Variants in VCP observed in about 807,000 individuals in gnomAD.
VCP encodes the protein valosin containing protein, also known as transitional endoplasmic reticulum ATPase.
A neutral mutation model predicts 85.7 loss-of-function variants in VCP; 6 were observed. The ratio of observed to expected loss-of-function variants is 0.07; its 90% CI spans 0.04 to 0.14. The LOEUF is 0.14. VCP is among the 10% of genes least tolerant of loss of function. The probability of loss-of-function intolerance (pLI) is 1.00; values close to 1 mark genes in which losing one functional copy is unlikely to be tolerated. For missense variants in VCP, 353 were observed against 1,043.4 expected, an observed-to-expected ratio of 0.34 and a Z score of 9.12; for synonymous variants, 384 against 367.1, an observed-to-expected ratio of 1.05 and a Z score of -0.53.
At position 35,058,984 on chromosome 9, in the gene VCP, A is replaced by T; in HGVS notation, c.2160+80T>A. On this transcript the variant is annotated intron_variant, in intron 15 of 16. Transcript: ENST00000358901. ...TTAGATGATCTTTCCAACAGCTTCT[A>T]CTCTCAACTCCAGGGCATGGTGGTG... The T allele has an allele frequency of 5.7e-6, 9 of 1,586,072 alleles. No homozygotes were observed. In the South Asian group the frequency reaches 1.0e-4, roughly 18 times the overall value.
At chr9:35,065,644 C>T (rs1438618958) in intron 4 of VCP, among the ~76,000 whole-genome samples, 5 of 152,102 alleles carry the variant, frequency 3.3e-5, no homozygotes, top group African/African-American at 1.2e-4. Flanking sequence ...TGACTTCTGC[C>T]ATATAGGTAG....
chr9:35,071,624 C>A, intron 1 of VCP: 9 of 818,554 alleles, frequency 1.1e-5, no homozygotes, highest in Non-Finnish European at 1.3e-5. Context: ...CGAGTCATAA[C>A]ATTAAGGAAA....
chr9:35,064,577 C>T (rs138320082), intron 5 of VCP, among the ~76,000 whole-genome samples: 59 of 152,218 alleles, frequency 3.9e-4, no homozygotes, highest in Admixed American at 3.7e-3. Flanking sequence ...AGAACAACTA[C>T]AAAAATCCCA....
chr9:35,061,330 A>ATG, intron 10 of VCP, 151 bp from the exon 11 acceptor site: 1 of 1,170,496 alleles, frequency 8.5e-7, no homozygotes. Context: ...GCTGGGTTTT[A>ATG]AGTACTTAAT....
chr9:35,065,135 TG>T, intron 5 of VCP, 115 bp downstream of exon 5: 1 of 1,489,894 alleles, frequency 6.7e-7, no homozygotes, highest in Non-Finnish European at 9.2e-7. Flanking sequence ...CCCAAAGTAC[TG>T]GGATTACAGG....
Position 35,072,554 on chromosome 9 carries a change from G to GGTGGCAGTGGCAGTGGCA in VCP, c.-219_-202dup. ...AACAACGCTGGCTCCTGATCCGCGA[G>GGTGGCAGTGGCAGTGGCA]GTGGCAGTGGCAGTGGCAGCGGCAG... is the stretch of plus-strand genomic sequence containing the variant. On this transcript the variant is annotated 5_prime_UTR_variant, in exon 1 of 17. Coordinates refer to ENST00000358901, the MANE Select transcript of VCP (RefSeq NM_007126.5). The GGTGGCAGTGGCAGTGGCA allele has an allele frequency of 3.4e-6, 2 of 592,480 alleles. No individual in the cohort carries two copies. The highest frequency in any genetic ancestry group is 5.3e-6 in the Non-Finnish European group (2 of 377,702). 36.7% of individuals were successfully genotyped at this position (592,480 alleles called of 1,614,324 possible). A position where few individuals can be genotyped will look rare whatever the true frequency, so the allele number is the denominator to read the frequency against.
In VCP at chr9:35,061,704, A is replaced by G; in HGVS notation, c.1082-15T>C. On this transcript the variant is annotated splice_polypyrimidine_tract_variant and intron_variant, in intron 9 of 16. Transcript: ENST00000358901. Reference sequence around the variant, plus strand: ...GTCAAAGCGACCTGTGGGACAGTACACAAACATAAACAGGGCTCATCTCTA... The same window carrying G: ...GTCAAAGCGACCTGTGGGACAGTACGCAAACATAAACAGGGCTCATCTCTA... The G allele has an allele frequency of 6.3e-7, 1 of 1,596,974 alleles. No individual in the cohort carries two copies. The highest frequency in any genetic ancestry group is 1.1e-5 in the South Asian group (1 of 90,780).
rs1304210666 is a variant in VCP, at chr9:35,056,402, A to T, written c.*715T>A. On this transcript the variant is annotated 3_prime_UTR_variant, in exon 17 of 17. Coordinates refer to ENST00000358901, the MANE Select transcript of VCP (RefSeq NM_007126.5). ...TCCTATCCAGTGATACTGCAGACAA[A>T]GGGTGAGGCAACAGGAGACATCATA... 6.5e-6 allele frequency: 1 copy of T among 154,340 alleles called. No individual in the cohort carries two copies. The highest frequency in any genetic ancestry group is 1.9e-4 in the East Asian group (1 of 5,192). 9.6% of individuals were successfully genotyped at this position (154,340 alleles called of 1,614,324 possible). A position where few individuals can be genotyped will look rare whatever the true frequency, so the allele number is the denominator to read the frequency against.
At position 35,057,199 on chromosome 9, in the gene VCP, C is replaced by T; in HGVS notation, c.2339G>A (p.Gly780Glu). The T allele has an allele frequency of 6.2e-7, 1 of 1,614,234 alleles. No homozygotes were observed. The highest frequency in any genetic ancestry group is 8.5e-7 in the Non-Finnish European group (1 of 1,180,054). ...TCCACTGCCCTGACTGGGGCCAGCT[C>T]CACCCTGGTTCCCTGAAGGGAATCT... The part of the protein sequence containing the change: ...SFRFPSGNQG[G>E]AGPSQGSGGG... Residue 780 changes from glycine to glutamate, a missense_variant, in exon 17 of 17, where the codon GGA becomes GAA. Gly to Glu is a moderately conservative substitution (Grantham distance 98). Coordinates refer to ENST00000358901, the MANE Select transcript of VCP (RefSeq NM_007126.5).
intron 5 of VCP, 111 bp downstream of exon 5, chr9:35,065,140 T>C: frequency 1.3e-6 from 2 of 1,519,866 alleles, no homozygotes; most frequent in Non-Finnish European, 1.8e-6. Flanking sequence ...AGTACTGGGA[T>C]TACAGGTGTC....
chr9:35,071,681 A>G, intron 1 of VCP: 3 of 982,638 alleles, frequency 3.1e-6, no homozygotes, highest in Non-Finnish European at 3.6e-6. Flanking sequence ...AAGTAAGAAG[A>G]CCAGAAGCGA....
At chr9:35,066,928 G>C in intron 3 of VCP, 111 bp from the exon 4 acceptor site, 1 of 1,551,374 alleles carries the variant, frequency 6.4e-7, no homozygotes. Flanking sequence ...AGAAAAGGCA[G>C]GATGGCTTTA....
intron 1 of VCP, 80 bp from the exon 2 acceptor site, chr9:35,068,442 A>T: frequency 8.0e-7 from 1 of 1,248,204 alleles, no homozygotes; most frequent in South Asian, 1.2e-5. Flanking sequence ...TTAGGAAAGA[A>T]ACAGTGAATA....
At chr9:35,063,409 A>C (rs1294869847) in intron 6 of VCP, among the ~76,000 whole-genome samples, 1 of 152,220 alleles carries the variant, frequency 6.6e-6, no homozygotes, top group Non-Finnish European at 1.5e-5. Context: ...AATTTTAGAC[A>C]GACCAAGGGC....
chr9:35,062,167 T>A (rs1341591874), intron 8 of VCP, 29 bp from the exon 9 acceptor site: 1 of 1,614,150 alleles, frequency 6.2e-7, no homozygotes, highest in East Asian at 2.2e-5. Context: ...TGGTCAGAAG[T>A]GAAGTCAGGG....
chr9:35,072,285 G>GCTGGTCCCGGTGCGCGC, intron 1 of VCP, 52 bp downstream of exon 1: 2 of 1,485,408 alleles, frequency 1.3e-6, no homozygotes, highest in Non-Finnish European at 1.8e-6. Context: ...ACCCTGCGCG[G>GCTGGTCCCGGTGCGCGC]CTGGTCCCGG....
chr9:35,061,309 T>C (rs915623122), intron 10 of VCP, 130 bp from the exon 11 acceptor site: 4 of 1,273,948 alleles, frequency 3.1e-6, no homozygotes, highest in Non-Finnish European at 4.5e-6. Context: ...ATACTATCAA[T>C]ACCTTTATGG....
chr9:35,067,601 G>A lies in VCP; in HGVS notation c.302+290C>T, dbSNP rs181042539. Among the ~76,000 whole-genome samples the A allele has an allele frequency of 5.1e-4, 77 of 152,232 alleles. No individual in the cohort carries two copies. In the Middle Eastern group the frequency reaches 0.02, roughly 40 times the overall value. Reference sequence around the variant, plus strand: ...CACCCTCGAGTGGTATCCTAAGCCAGGATATAAGTATGATAAATTACACCT... The same window carrying A: ...CACCCTCGAGTGGTATCCTAAGCCAAGATATAAGTATGATAAATTACACCT... On this transcript the variant is annotated intron_variant, in intron 3 of 16. Transcript: ENST00000358901.
At chr9:35,064,740 A>G (rs773487313) in intron 5 of VCP, among the ~76,000 whole-genome samples, 3 of 152,234 alleles carry the variant, frequency 2.0e-5, no homozygotes, top group Admixed American at 6.5e-5. Flanking sequence ...AATCACTTAT[A>G]TATTTTGGGT....
Sources: allele counts gnomAD v4.1 joint callset (sites outside exome capture counted in the v4.1 genomes callset), GRCh38; gene constraint gnomAD v4.1.1; transcripts MANE v1.5; gene names NCBI Gene and HGNC (gene_info 2026-07-23, HGNC 2026-07-21).